CDKAL1: variants seen among roughly 807,000 people sequenced by gnomAD.
The protein encoded by CDKAL1 is CDKAL1 threonylcarbamoyladenosine tRNA methylthiotransferase.
A neutral mutation model predicts 68.2 loss-of-function variants in CDKAL1; 32 were observed. That is an observed-to-expected ratio of 0.47 (90% CI 0.35 to 0.63). The LOEUF (loss-of-function observed/expected upper bound fraction) is 0.63, where lower values mean the gene tolerates loss of function less well. Ranked by LOEUF, CDKAL1 falls within the 30% of genes least tolerant of loss-of-function variation. The pLI, the probability that CDKAL1 is intolerant of heterozygous loss-of-function variation, is 0.00. For synonymous variants in CDKAL1, 234 were observed against 244.3 expected, an observed-to-expected ratio of 0.96 and a Z score of 0.39; for missense variants, 606 against 696.7, an observed-to-expected ratio of 0.87 and a Z score of 1.47.
chr6:21,168,360 T>G (rs28360551), intron 13 of CDKAL1, among the ~76,000 whole-genome samples: 18,534 of 152,078 alleles, frequency 0.12, 1,581 homozygotes, highest in East Asian at 0.35. Flanking sequence ...CATTTTCAGG[T>G]TCCTAACATG....
intron 8 of CDKAL1, among the ~76,000 whole-genome samples, chr6:20,794,545 C>T (rs557441479): frequency 2.0e-4 from 30 of 152,216 alleles, no homozygotes; most frequent in Middle Eastern, 3.4e-3. Flanking sequence ...AGCCCCATGG[C>T]CAAATACCTA....
At chr6:21,100,995 A>G (rs1773549932) in intron 12 of CDKAL1, among the ~76,000 whole-genome samples, 1 of 152,214 alleles carries the variant, frequency 6.6e-6, no homozygotes, top group Non-Finnish European at 1.5e-5. Flanking sequence ...AGCACTTACC[A>G]GGTAGGGGAC....
intron 15 of CDKAL1, among the ~76,000 whole-genome samples, chr6:21,209,618 G>A (rs118164082): frequency 3.5e-4 from 54 of 152,242 alleles, no homozygotes; most frequent in South Asian, 8.3e-4. Context: ...TCACCTGTGC[G>A]ACATAATTAC....
intron 10 of CDKAL1, among the ~76,000 whole-genome samples, chr6:20,999,674 A>AAAG (rs1767319022): frequency 1.4e-5 from 2 of 145,874 alleles, no homozygotes; most frequent in Admixed American, 1.3e-4. Context: ...AAAAAAAAAA[A>AAAG]AAAAAAAAAA....
intron 12 of CDKAL1, among the ~76,000 whole-genome samples, chr6:21,081,088 T>C (rs1462531336): frequency 6.6e-6 from 1 of 152,210 alleles, no homozygotes; most frequent in East Asian, 1.9e-4. Context: ...TAGAAAATCA[T>C]TTTAAAAAAA....
At chr6:20,902,836 C>T (rs1458414518) in intron 9 of CDKAL1, among the ~76,000 whole-genome samples, 1 of 152,068 alleles carries the variant, frequency 6.6e-6, no homozygotes, top group Non-Finnish European at 1.5e-5. Flanking sequence ...TTTGGGTGGT[C>T]TAAATGGGTG....
intron 5 of CDKAL1, among the ~76,000 whole-genome samples, chr6:20,687,551 A>G (rs150267398): frequency 6.6e-6 from 1 of 150,768 alleles, no homozygotes; most frequent in African/African-American, 2.4e-5. Flanking sequence ...ATTTTATTTT[A>G]TTTTGTTTTT....
chr6:21,022,985 T>G (rs531753408), intron 11 of CDKAL1, among the ~76,000 whole-genome samples: 108 of 152,332 alleles, frequency 7.1e-4, no homozygotes, highest in Non-Finnish European at 1.4e-3. Context: ...CCTTGTTACC[T>G]TTTGATGAGA....
intron 13 of CDKAL1, among the ~76,000 whole-genome samples, chr6:21,169,569 G>A (rs1777290051): frequency 6.6e-6 from 1 of 152,216 alleles, no homozygotes; most frequent in Non-Finnish European, 1.5e-5. Context: ...CCGGGAGGGA[G>A]AGGTTGCAAT....
chr6:20,930,010 C>T (rs1359055666), intron 9 of CDKAL1, among the ~76,000 whole-genome samples: 1 of 152,108 alleles, frequency 6.6e-6, no homozygotes, highest in Non-Finnish European at 1.5e-5. Flanking sequence ...CTTACAAGAA[C>T]ATTTCTTTAT....
At chr6:21,014,706 G>A (rs1398030563) in intron 11 of CDKAL1, among the ~76,000 whole-genome samples, 2 of 151,284 alleles carry the variant, frequency 1.3e-5, no homozygotes, top group African/African-American at 4.9e-5. Flanking sequence ...ATCTAATTAT[G>A]TTCTCTTGAG....
chr6:20,694,185 C>T (rs781330559), intron 5 of CDKAL1, among the ~76,000 whole-genome samples: 26 of 151,536 alleles, frequency 1.7e-4, no homozygotes, highest in Non-Finnish European at 3.5e-4. Flanking sequence ...AACAAACAAA[C>T]AAACAAACAA....
At chr6:20,924,406 C>CAA (rs1357999363) in intron 9 of CDKAL1, among the ~76,000 whole-genome samples, 2 of 147,474 alleles carry the variant, frequency 1.4e-5, no homozygotes, top group Non-Finnish European at 1.5e-5. Flanking sequence ...TGTCAAAAGC[C>CAA]GGCAGGCTGA....
intron 9 of CDKAL1, among the ~76,000 whole-genome samples, chr6:20,853,562 A>AT (rs1362292064): frequency 1.3e-5 from 2 of 152,206 alleles, no homozygotes; most frequent in Non-Finnish European, 2.9e-5. Flanking sequence ...TAAAAGAAGG[A>AT]TTTAACCTTT....
At chr6:20,978,489 T>C (rs1051216573) in intron 10 of CDKAL1, among the ~76,000 whole-genome samples, 2 of 152,224 alleles carry the variant, frequency 1.3e-5, no homozygotes, top group Admixed American at 1.3e-4. Context: ...TGCAGAAATA[T>C]ATAATTATGA....
chr6:20,747,460 C>CG (rs1472575471), intron 6 of CDKAL1, among the ~76,000 whole-genome samples: 1 of 152,088 alleles, frequency 6.6e-6, no homozygotes, highest in Non-Finnish European at 1.5e-5. Flanking sequence ...CAGTGCATAA[C>CG]GGTTCTCTCT....
intron 8 of CDKAL1, among the ~76,000 whole-genome samples, chr6:20,807,846 C>T (rs1393469234): frequency 1.3e-5 from 2 of 152,208 alleles, no homozygotes; most frequent in African/African-American, 4.8e-5. Context: ...ACTACAGCAA[C>T]AGTTTTTTGG....
At chr6:21,061,938 C>T (rs113376008) in intron 11 of CDKAL1, among the ~76,000 whole-genome samples, 6,222 of 152,230 alleles carry the variant, frequency 0.041, 205 homozygotes, top group East Asian at 0.15. Flanking sequence ...CAGTGGCCTG[C>T]CTCCTCCCTT....
intron 8 of CDKAL1, among the ~76,000 whole-genome samples, chr6:20,815,457 G>A (rs553328130): frequency 2.0e-5 from 3 of 151,578 alleles, no homozygotes; most frequent in African/African-American, 7.3e-5. Context: ...AGTTTAACTG[G>A]GTTTTCAAAA....
Sources: allele counts gnomAD v4.1 joint callset (sites outside exome capture counted in the v4.1 genomes callset), GRCh38; gene constraint gnomAD v4.1.1; transcripts MANE v1.5; gene names NCBI Gene and HGNC (gene_info 2026-07-23, HGNC 2026-07-21).